Variants in FALEC observed in about 807,000 individuals in gnomAD.
FALEC encodes focally amplified lncRNA on chromosome 1.
At chr1:150,523,430 A>G in the FALEC span, among the ~76,000 whole-genome samples, 1 of 151,628 alleles carries the variant, frequency 6.6e-6, no homozygotes, top group African/African-American at 2.4e-5. Context: ...AAAGGCAGGA[A>G]GATCACCTGA....
chr1:150,531,478 GA>G, the FALEC span, among the ~76,000 whole-genome samples: 143 of 145,922 alleles, frequency 9.8e-4, no homozygotes, highest in Middle Eastern at 3.5e-3. Context: ...TCCATCTCAA[GA>G]AAAAAAAAAA....
downstream of FALEC, among the ~76,000 whole-genome samples, chr1:150,519,198 A>G (rs1481959487): frequency 6.6e-6 from 1 of 152,162 alleles, no homozygotes; most frequent in Non-Finnish European, 1.5e-5. Flanking sequence ...CTGCTTCCTG[A>G]TGACGCCCTC....
chr1:150,520,349 A>C (rs147970189), downstream of FALEC, among the ~76,000 whole-genome samples: 40 of 152,278 alleles, frequency 2.6e-4, no homozygotes, highest in Non-Finnish European at 4.4e-4. Context: ...TTAGCCCCTG[A>C]TAACTCCTAA....
the FALEC span, among the ~76,000 whole-genome samples, chr1:150,531,534 A>C: frequency 2.0e-5 from 3 of 151,988 alleles, no homozygotes; most frequent in African/African-American, 7.2e-5. Context: ...GGGGAAACTA[A>C]CTCATTATCT....
At chr1:150,520,310 T>C (rs954968845), downstream of FALEC, among the ~76,000 whole-genome samples, 11 of 152,208 alleles carry the variant, frequency 7.2e-5, no homozygotes, top group Non-Finnish European at 1.3e-4. Context: ...TCTGTAACCA[T>C]TAAGCAATAA....
At chr1:150,533,584 G>A in the FALEC span, among the ~76,000 whole-genome samples, 6 of 151,976 alleles carry the variant, frequency 3.9e-5, no homozygotes, top group Admixed American at 1.3e-4. Flanking sequence ...TACAGGTGGT[G>A]TGCCACAACA....
At chr1:150,522,912 T>TAC (rs587648407), downstream of FALEC, among the ~76,000 whole-genome samples, 1 of 106,212 alleles carries the variant, frequency 9.4e-6, no homozygotes, top group African/African-American at 4.5e-5. Context: ...TACATATATA[T>TAC]ACATATATAT....
the FALEC span, among the ~76,000 whole-genome samples, chr1:150,524,995 GAA>G: frequency 0.019 from 1,864 of 98,240 alleles, 43 homozygotes; most frequent in African/African-American, 0.063. Context: ...ACCCTGTCTT[GAA>G]AAAAAAAAAA....
the FALEC span, among the ~76,000 whole-genome samples, chr1:150,529,016 C>CAAAAAAAAAAAAACAAAAA: frequency 1.7e-5 from 1 of 59,286 alleles, no homozygotes; most frequent in Non-Finnish European, 3.0e-5. Context: ...AAATAAATAG[C>CAAAAAAAAAAAAACAAAAA]AAAAAAAAAA....
At chr1:150,525,152 T>C in the FALEC span, among the ~76,000 whole-genome samples, 1 of 152,096 alleles carries the variant, frequency 6.6e-6, no homozygotes, top group African/African-American at 2.4e-5. Flanking sequence ...CCAGGCATGG[T>C]GGCACGCATC....
downstream of FALEC, among the ~76,000 whole-genome samples, chr1:150,520,602 C>T (rs1268704663): frequency 3.3e-5 from 5 of 152,012 alleles, no homozygotes; most frequent in Admixed American, 2.0e-4. Context: ...ACATTTGGGT[C>T]GTTTTCATCT....
At chr1:150,524,685 C>A in the FALEC span, among the ~76,000 whole-genome samples, 1 of 152,006 alleles carries the variant, frequency 6.6e-6, no homozygotes, top group African/African-American at 2.4e-5. Flanking sequence ...CAAATTAGAA[C>A]CACAAGAAGG....
chr1:150,535,219 T>G, the FALEC span, among the ~76,000 whole-genome samples: 1 of 147,782 alleles, frequency 6.8e-6, no homozygotes, highest in East Asian at 2.0e-4. Flanking sequence ...TGACAAACAG[T>G]ATTTTTATGC....
At chr1:150,520,394 C>T (rs774360024), downstream of FALEC, among the ~76,000 whole-genome samples, 3 of 152,144 alleles carry the variant, frequency 2.0e-5, no homozygotes, top group Non-Finnish European at 4.4e-5. Context: ...ATTCTGGGTA[C>T]CTCATATAAT....
At chr1:150,534,997 T>G in the FALEC span, among the ~76,000 whole-genome samples, 1 of 152,150 alleles carries the variant, frequency 6.6e-6, no homozygotes. Context: ...CCCAGTAATC[T>G]GGGTCCACGA....
At chr1:150,535,522 G>A in the FALEC span, among the ~76,000 whole-genome samples, 12 of 152,364 alleles carry the variant, frequency 7.9e-5, no homozygotes, top group South Asian at 6.2e-4. Flanking sequence ...GGGATTACAC[G>A]CGTGAGCCAC....
At chr1:150,535,084 C>G in the FALEC span, among the ~76,000 whole-genome samples, 1 of 152,138 alleles carries the variant, frequency 6.6e-6, no homozygotes, top group African/African-American at 2.4e-5. Context: ...TGGGCCAGCA[C>G]TTGGGTAAAC....
downstream of FALEC, among the ~76,000 whole-genome samples, chr1:150,521,708 G>A (rs1024259857): frequency 6.6e-6 from 1 of 152,148 alleles, no homozygotes; most frequent in African/African-American, 2.4e-5. Context: ...TGACCCCTCT[G>A]CAGGCCATGT....
At chr1:150,533,945 T>C in the FALEC span, among the ~76,000 whole-genome samples, 106 of 152,370 alleles carry the variant, frequency 7.0e-4, no homozygotes, top group Middle Eastern at 3.4e-3. Context: ...TCGTGGATCC[T>C]GTGTGTGCTT....
Sources: allele counts gnomAD v4.1 joint callset (sites outside exome capture counted in the v4.1 genomes callset), GRCh38; gene constraint gnomAD v4.1.1; transcripts MANE v1.5; gene names NCBI Gene and HGNC (gene_info 2026-07-23, HGNC 2026-07-21).